The following SENP7 variants were observed in gnomAD, a reference collection of about 807,000 sequenced individuals.
SENP7 encodes SUMO specific peptidase 7.
SENP7 carries 64 observed loss-of-function variants against 141.2 expected under a neutral mutation model. The ratio of observed to expected loss-of-function variants is 0.45; its 90% CI spans 0.37 to 0.56. The LOEUF (loss-of-function observed/expected upper bound fraction) is 0.56, where lower values mean the gene tolerates loss of function less well. Ranked by LOEUF, SENP7 falls within the 20% of genes least tolerant of loss-of-function variation. The pLI is 0.00. For missense variants in SENP7, 1,025 were observed against 1,212.2 expected, an observed-to-expected ratio of 0.85 and a Z score of 2.29; for synonymous variants, 382 against 426.4, an observed-to-expected ratio of 0.90 and a Z score of 1.28.
At chr3:101,399,140 AT>A (rs2061059180) in intron 5 of SENP7, 85 bp from the exon 6 acceptor site, 1 of 829,008 alleles carries the variant, frequency 1.2e-6, no homozygotes, top group African/African-American at 1.7e-5. Context: ...ATTTTCAATC[AT>A]TGCCATCTTA....
rs1438652582 is a variant in SENP7, at chr3:101,366,596, A to G, written c.1152T>C (p.Ser384=). The G allele has an allele frequency of 6.2e-7, 1 of 1,613,946 alleles. No individual in the cohort carries two copies. Among genetic ancestry groups the G allele is most frequent in the East Asian group, 2.2e-5 (1 of 44,868 alleles). The change falls in exon 9 of 24, where the codon AGT becomes AGC. Residue 384 remains serine, a synonymous_variant. Transcript: ENST00000394095. ...TTTCAGTGGTTGAACCGGCAGAGGC[A>G]CTTTTGGTGGCATTACTCAAAGTCA... is the stretch of plus-strand genomic sequence containing the variant. ...QELTLSNATK[S]ASAGSTTETV... is the part of the protein sequence containing the mutation.
chr3:101,394,584 C>T (rs2060911917), intron 6 of SENP7, among the ~76,000 whole-genome samples: 1 of 151,848 alleles, frequency 6.6e-6, no homozygotes, highest in South Asian at 2.1e-4. Context: ...GCAATCTCGG[C>T]CCACTGTAAG....
At chr3:101,374,964 G>C (rs2060278931) in intron 6 of SENP7, among the ~76,000 whole-genome samples, 1 of 151,968 alleles carries the variant, frequency 6.6e-6, no homozygotes, top group African/African-American at 2.4e-5. Flanking sequence ...TATTTGAAGA[G>C]ATGTTTCTCC....
intron 3 of SENP7, among the ~76,000 whole-genome samples, chr3:101,459,925 A>G (rs1169075643): frequency 6.6e-6 from 1 of 152,198 alleles, no homozygotes. Flanking sequence ...AAGAAAAAAA[A>G]TTCCACTTAC....
chr3:101,457,318 T>C (rs1282557784), intron 4 of SENP7: 5 of 1,423,472 alleles, frequency 3.5e-6, no homozygotes, highest in Non-Finnish European at 4.9e-6. Context: ...TCCTCCCCAG[T>C]AGCAAGTGGT....
intron 19 of SENP7, 150 bp downstream of exon 19, chr3:101,331,835 T>TCA: frequency 1.4e-6 from 1 of 707,054 alleles, no homozygotes. Context: ...ATTTTGTCTA[T>TCA]CATTAAAAAT....
rs181977692 is a variant in SENP7, at chr3:101,482,483, G to A, written c.186+11390C>T. Among the ~76,000 whole-genome samples the A allele has an allele frequency of 3.8e-3, 579 of 152,258 alleles. 2 individuals carry two copies. Among genetic ancestry groups the A allele is most frequent in the Non-Finnish European group, 4.9e-3 (336 of 68,014 alleles). On this transcript the variant is annotated intron_variant, in intron 3 of 23. Coordinates refer to ENST00000394095, the MANE Select transcript of SENP7 (RefSeq NM_020654.5). ...AGAGTCAATATTATTCAGATGTCAT[G>A]TCTTCACAAGTTGATCAACAGATTC...
At chr3:101,444,816 G>A (rs1369988963) in intron 4 of SENP7, among the ~76,000 whole-genome samples, 25 of 151,488 alleles carry the variant, frequency 1.7e-4, no homozygotes, top group Non-Finnish European at 2.9e-4. Flanking sequence ...TGGGTGCAGC[G>A]CACCAGCATG....
chr3:101,417,817 A>T, intron 4 of SENP7, 27 bp from the exon 5 acceptor site: 1 of 1,497,032 alleles, frequency 6.7e-7, no homozygotes, highest in Non-Finnish European at 9.3e-7. Context: ...TAATTAGTAT[A>T]TATGGTACTA....
chr3:101,465,226 T>C (rs370727676), intron 3 of SENP7, among the ~76,000 whole-genome samples: 2 of 152,024 alleles, frequency 1.3e-5, no homozygotes, highest in East Asian at 3.9e-4. Context: ...TAGGGATCAA[T>C]CCACCCCCCT....
At chr3:101,328,435 G>C (rs372934144) in intron 22 of SENP7, 43 bp downstream of exon 22, 135 of 1,449,006 alleles carry the variant, frequency 9.3e-5, no homozygotes, top group Non-Finnish European at 1.2e-4. Context: ...AATTACTGAG[G>C]TTTTAGATAA....
intron 4 of SENP7, among the ~76,000 whole-genome samples, chr3:101,438,996 G>C (rs1218143643): frequency 3.0e-5 from 4 of 134,972 alleles, no homozygotes; most frequent in African/African-American, 1.1e-4. Context: ...GCTGCCCATC[G>C]TCTGGGATGT....
intron 6 of SENP7, among the ~76,000 whole-genome samples, chr3:101,386,300 T>C (rs143683195): frequency 6.6e-6 from 1 of 152,132 alleles, no homozygotes; most frequent in Non-Finnish European, 1.5e-5. Flanking sequence ...AAGCAAGAAA[T>C]CCCCGGAAGT....
intron 9 of SENP7, 25 bp from the exon 10 acceptor site, chr3:101,365,016 T>TTTTG (rs752716321): frequency 6.0e-5 from 81 of 1,357,142 alleles, no homozygotes; most frequent in Non-Finnish European, 7.9e-5. Flanking sequence ...AAAAATGTAT[T>TTTTG]TTTGTTTATT....
chr3:101,328,476 A>G lies in SENP7; in HGVS notation c.2864+2T>C. On this transcript the variant is annotated splice_donor_variant, in intron 22 of 23. Transcript: ENST00000394095. LOFTEE classifies it high-confidence loss of function. ...TGGAATGGTAAAATTGTCATTACTT[A>G]CTCTCGTAAATTCTGAACTGTGTTT... 6.2e-7 allele frequency: 1 copy of G among 1,608,568 alleles called. No homozygotes were observed. The highest frequency in any genetic ancestry group is 8.5e-7 in the Non-Finnish European group (1 of 1,175,766).
intron 4 of SENP7, among the ~76,000 whole-genome samples, chr3:101,418,968 T>C (rs2061705168): frequency 6.6e-6 from 1 of 152,202 alleles, no homozygotes; most frequent in Admixed American, 6.5e-5. Flanking sequence ...ACAAAATAGT[T>C]GAGTTTTTGC....
At chr3:101,363,139 T>A in intron 10 of SENP7, 1 of 933,506 alleles carries the variant, frequency 1.1e-6, no homozygotes, top group South Asian at 5.0e-5. Context: ...CCTGCTTAAT[T>A]GAATTTCTTT....
intron 3 of SENP7, among the ~76,000 whole-genome samples, chr3:101,492,752 C>T (rs958669580): frequency 2.6e-5 from 4 of 152,206 alleles, no homozygotes; most frequent in African/African-American, 9.6e-5. Context: ...AATCCCAGCA[C>T]TCTGGGAGAC....
chr3:101,354,411 TC>T (rs1190573713), intron 11 of SENP7, among the ~76,000 whole-genome samples: 1 of 152,004 alleles, frequency 6.6e-6, no homozygotes, highest in Admixed American at 6.6e-5. Flanking sequence ...TTCTCCCTCC[TC>T]CCACCTTCAA....
Sources: allele counts gnomAD v4.1 joint callset (sites outside exome capture counted in the v4.1 genomes callset), GRCh38; gene constraint gnomAD v4.1.1; transcripts MANE v1.5; gene names NCBI Gene and HGNC (gene_info 2026-07-23, HGNC 2026-07-21).